Variants in IMMP2L observed in about 807,000 individuals in gnomAD.
IMMP2L encodes the protein mitochondrial inner membrane protease subunit 2.
Under a neutral mutation model 19.3 loss-of-function variants are expected in IMMP2L, and 18 were observed. That is an observed-to-expected ratio of 0.93 (90% CI 0.64 to 1.38). IMMP2L has a LOEUF of 1.38. IMMP2L is among the 40% of genes most tolerant of loss of function. The pLI is 0.00. For missense variants in IMMP2L, 233 were observed against 218.2 expected (o/e 1.07, Z -0.43); for synonymous variants, 76 against 73.0 (o/e 1.04, Z -0.21).
chr7:111,073,576 A>G (rs1795142404), intron 3 of IMMP2L, among the ~76,000 whole-genome samples: 1 of 152,116 alleles, frequency 6.6e-6, no homozygotes, highest in Admixed American at 6.5e-5. Flanking sequence ...CAGAAATGAG[A>G]AATCCCATTT....
chr7:111,377,627 A>AT (rs1279071737), intron 3 of IMMP2L, among the ~76,000 whole-genome samples: 8 of 152,002 alleles, frequency 5.3e-5, no homozygotes, highest in African/African-American at 1.9e-4. Flanking sequence ...CCATGCTTCC[A>AT]GGGGCCTATT....
chr7:110,973,644 C>T (rs933798387), intron 3 of IMMP2L, among the ~76,000 whole-genome samples: 3 of 152,062 alleles, frequency 2.0e-5, no homozygotes, highest in Non-Finnish European at 4.4e-5. Context: ...ATTAGGTACC[C>T]ATTTAAAATG....
At position 111,386,687 on chromosome 7, in the gene IMMP2L, A is replaced by T. The variant is rs144928937; in HGVS notation, c.239+100551T>A. The stretch of plus-strand genomic sequence containing the variant: ...ACATTTAAAGAAAAAGAATAACACA[A>T]GCCTTCACTCCCCTTCCCTGTGCGA... On this transcript the variant is annotated intron_variant, in intron 3 of 5. Coordinates refer to ENST00000405709, the MANE Select transcript of IMMP2L (RefSeq NM_032549.4). Among the ~76,000 whole-genome samples, 187 of 152,266 alleles carry T rather than the reference A, an allele frequency of 1.2e-3. 2 individuals carry two copies. The highest frequency in any genetic ancestry group is 4.2e-3 in the African/African-American group (174 of 41,556).
In IMMP2L at chr7:111,335,288, G is replaced by A. The variant is rs117731572; in HGVS notation, c.239+151950C>T. Reference sequence around the variant, plus strand: ...CCCTTTAAATAGTAACAGATATGAGGATGACTACCAAATATCTCTCTGTTA... The same window carrying A: ...CCCTTTAAATAGTAACAGATATGAGAATGACTACCAAATATCTCTCTGTTA... On this transcript the variant is annotated intron_variant, in intron 3 of 5. Coordinates refer to ENST00000405709, the MANE Select transcript of IMMP2L (RefSeq NM_032549.4). 2.0e-4 allele frequency among the ~76,000 whole-genome samples: 31 copies of A among 152,128 alleles called. No individual in the cohort carries two copies. The East Asian group carries it at 6.0e-3, about 29-fold the overall frequency.
At chr7:111,059,819 A>T (rs1307843817) in intron 3 of IMMP2L, among the ~76,000 whole-genome samples, 2 of 152,112 alleles carry the variant, frequency 1.3e-5, no homozygotes, top group Non-Finnish European at 2.9e-5. Context: ...GGCACTCTAC[A>T]TGCCATAAGA....
intron 3 of IMMP2L, among the ~76,000 whole-genome samples, chr7:111,468,089 C>G (rs1244195318): frequency 6.6e-6 from 1 of 152,000 alleles, no homozygotes; most frequent in Non-Finnish European, 1.5e-5. Flanking sequence ...CTTTCTCATC[C>G]CAACTAGATA....
intron 3 of IMMP2L, among the ~76,000 whole-genome samples, chr7:111,058,577 G>A (rs1041530228): frequency 7.9e-5 from 12 of 152,132 alleles, no homozygotes; most frequent in African/African-American, 2.7e-4. Context: ...TTTATGAATT[G>A]GGATGATTAG....
intron 5 of IMMP2L, among the ~76,000 whole-genome samples, chr7:110,832,281 A>AC (rs1366475355): frequency 8.4e-6 from 1 of 118,598 alleles, no homozygotes; most frequent in Non-Finnish European, 2.0e-5. Flanking sequence ...GAAAAAACAA[A>AC]CAAAAAAACC....
At chr7:110,770,713 T>C (rs139543733) in intron 5 of IMMP2L, among the ~76,000 whole-genome samples, 22 of 152,276 alleles carry the variant, frequency 1.4e-4, no homozygotes, top group African/African-American at 4.6e-4. Context: ...ACATTAAAGA[T>C]GTACACAGAA....
chr7:111,134,006 GGAAA>G (rs1256090014), intron 3 of IMMP2L, among the ~76,000 whole-genome samples: 1 of 151,980 alleles, frequency 6.6e-6, no homozygotes, highest in Non-Finnish European at 1.5e-5. Flanking sequence ...GACAAATAAA[GGAAA>G]GAGAGCCTAA....
chr7:111,086,340 T>C (rs147036545), intron 3 of IMMP2L, among the ~76,000 whole-genome samples: 1 of 151,582 alleles, frequency 6.6e-6, no homozygotes, highest in Non-Finnish European at 1.5e-5. Context: ...CTCTGGAAGC[T>C]GAGGTAGGAG....
chr7:110,896,557 A>AC (rs1811342360), intron 4 of IMMP2L, among the ~76,000 whole-genome samples: 1 of 32,376 alleles, frequency 3.1e-5, no homozygotes, highest in African/African-American at 4.1e-4. Context: ...TACAACATTT[A>AC]CCCCCCATAG....
rs147191921 is a variant in IMMP2L at position 111,075,366 on chromosome 7, G to A, written c.240-111801C>T. Among the ~76,000 whole-genome samples the A allele has an allele frequency of 3.7e-3, 563 of 152,170 alleles. 3 individuals carry two copies. The highest frequency in any genetic ancestry group is 0.01 in the Middle Eastern group (3 of 294). On this transcript the variant is annotated intron_variant, in intron 3 of 5. Coordinates refer to ENST00000405709, the MANE Select transcript of IMMP2L (RefSeq NM_032549.4). ...TGGTCTCGAACTCCTGAACTCAACT[G>A]ATCCAACCGCCTTGGCCTCCCAAAG...
intron 5 of IMMP2L, among the ~76,000 whole-genome samples, chr7:110,681,886 T>C (rs1020410050): frequency 6.6e-6 from 1 of 151,982 alleles, no homozygotes; most frequent in Non-Finnish European, 1.5e-5. Context: ...AAACGACCTC[T>C]GACCTCAATC....
chr7:111,224,144 C>T (rs929637970), intron 3 of IMMP2L, among the ~76,000 whole-genome samples: 1 of 151,994 alleles, frequency 6.6e-6, no homozygotes, highest in African/African-American at 2.4e-5. Context: ...ATGACACTGC[C>T]CTGCAAATCT....
chr7:110,895,593 C>T (rs562640745), intron 4 of IMMP2L, among the ~76,000 whole-genome samples: 1 of 152,104 alleles, frequency 6.6e-6, no homozygotes, highest in Non-Finnish European at 1.5e-5. Flanking sequence ...TGGGATTGCA[C>T]TGAATCTATA....
intron 5 of IMMP2L, among the ~76,000 whole-genome samples, chr7:110,820,717 C>A (rs1802947906): frequency 6.6e-6 from 1 of 152,002 alleles, no homozygotes; most frequent in African/African-American, 2.4e-5. Flanking sequence ...CATAATTTTT[C>A]AACTCAAATT....
chr7:111,385,469 G>A (rs1831643253), intron 3 of IMMP2L, among the ~76,000 whole-genome samples: 1 of 152,114 alleles, frequency 6.6e-6, no homozygotes, highest in African/African-American at 2.4e-5. Context: ...CTAGGCCGAA[G>A]TGAGTCCACA....
intron 3 of IMMP2L, among the ~76,000 whole-genome samples, chr7:111,031,907 C>T (rs1431182843): frequency 6.6e-6 from 1 of 151,412 alleles, no homozygotes; most frequent in Non-Finnish European, 1.5e-5. Context: ...ACCTATAATG[C>T]CGCTATGACC....
Sources: gnomAD v4.1 joint callset for allele counts (sites outside exome capture counted in the v4.1 genomes callset) on GRCh38, gnomAD v4.1.1 for gene constraint, MANE v1.5 for transcripts, NCBI Gene and HGNC (gene_info 2026-07-23, HGNC 2026-07-21) for gene names.